S100Z: variants seen among roughly 807,000 people sequenced by gnomAD.
The protein encoded by S100Z is protein S100-Z.
Under a neutral mutation model 8.5 loss-of-function variants are expected in S100Z, and 11 were observed. The ratio of observed to expected loss-of-function variants is 1.30; its 90% CI spans 0.82 to 2.15. The LOEUF (loss-of-function observed/expected upper bound fraction) is 2.15, where lower values mean the gene tolerates loss of function less well. S100Z is among the 30% of genes most tolerant of loss of function. The pLI is 0.00. For synonymous variants in S100Z, 34 were observed against 43.8 expected, an observed-to-expected ratio of 0.78 and a Z score of 0.89; for missense variants, 126 against 117.9, an observed-to-expected ratio of 1.07 and a Z score of -0.32.
At chr5:76,885,100 G>GTATT (rs1250183625) in intron 4 of S100Z, among the ~76,000 whole-genome samples, 1 of 152,182 alleles carries the variant, frequency 6.6e-6, no homozygotes, top group Non-Finnish European at 1.5e-5. Context: ...TGTCGAGCTT[G>GTATT]TATTGGGGTC....
intron 4 of S100Z, among the ~76,000 whole-genome samples, chr5:76,880,362 T>C: frequency 6.6e-6 from 1 of 152,110 alleles, no homozygotes; most frequent in African/African-American, 2.4e-5. Context: ...ATAAGAAAAA[T>C]AAAACAAAAT....
chr5:76,868,028 T>C (rs6874234), intron 1 of S100Z, among the ~76,000 whole-genome samples: 102,305 of 152,182 alleles, frequency 0.67, 35,331 homozygotes, highest in African/African-American at 0.84. Context: ...GCAAGGTGCA[T>C]AGGATAACCC....
the S100Z span, among the ~76,000 whole-genome samples, chr5:76,935,652 G>A: frequency 6.6e-6 from 1 of 151,934 alleles, no homozygotes; most frequent in South Asian, 2.1e-4. Context: ...ACTAGATGTG[G>A]TACTGCCTTC....
chr5:76,930,111 T>C, the S100Z span, among the ~76,000 whole-genome samples: 3 of 152,340 alleles, frequency 2.0e-5, no homozygotes, highest in East Asian at 5.8e-4. Context: ...CAAAGAGTAG[T>C]TTTTCATCTT....
chr5:76,856,994 C>G (rs1261046327), intron 1 of S100Z, among the ~76,000 whole-genome samples: 1 of 152,080 alleles, frequency 6.6e-6, no homozygotes, highest in Non-Finnish European at 1.5e-5. Flanking sequence ...GGAGGAAATC[C>G]AGCATAGTGA....
intron 4 of S100Z, among the ~76,000 whole-genome samples, chr5:76,895,765 CTTTT>C (rs57723242): frequency 2.3e-5 from 2 of 88,372 alleles, no homozygotes; most frequent in Middle Eastern, 7.1e-3. Flanking sequence ...TCTTTTCTTC[CTTTT>C]TTTTTTTTTT....
At chr5:76,907,180 C>A (rs1744485942) in intron 4 of S100Z, among the ~76,000 whole-genome samples, 1 of 151,104 alleles carries the variant, frequency 6.6e-6, no homozygotes, top group Admixed American at 6.6e-5. Context: ...ATCTTTGCAC[C>A]TTTTCTGAAT....
At chr5:76,925,064 C>T (rs114307857), downstream of S100Z, among the ~76,000 whole-genome samples, 2,762 of 152,194 alleles carry the variant, frequency 0.018, 84 homozygotes, top group African/African-American at 0.063. Context: ...TCCAAGCTTA[C>T]TCATGTTGTT....
At chr5:76,879,976 G>A (rs1211269649) in intron 4 of S100Z, among the ~76,000 whole-genome samples, 4 of 152,202 alleles carry the variant, frequency 2.6e-5, no homozygotes, top group East Asian at 3.8e-4. Context: ...TCACCTGGGT[G>A]CAGGTGGGCT....
chr5:76,945,493 C>T, the S100Z span, among the ~76,000 whole-genome samples: 1 of 152,220 alleles, frequency 6.6e-6, no homozygotes, highest in Non-Finnish European at 1.5e-5. Context: ...CCTGATTGTA[C>T]ATTTGTTCTA....
intron 4 of S100Z, among the ~76,000 whole-genome samples, chr5:76,920,498 TAGAA>T (rs1400911102): frequency 2.0e-5 from 3 of 152,234 alleles, no homozygotes; most frequent in African/African-American, 4.8e-5. Context: ...TTACCTGACT[TAGAA>T]AGAACATGCC....
the S100Z span, among the ~76,000 whole-genome samples, chr5:76,936,862 G>T: frequency 6.6e-6 from 1 of 152,034 alleles, no homozygotes; most frequent in African/African-American, 2.4e-5. Context: ...AAGGAGCACT[G>T]GGAAAGGTTG....
At chr5:76,895,164 G>A (rs1161985147) in intron 4 of S100Z, among the ~76,000 whole-genome samples, 1 of 152,062 alleles carries the variant, frequency 6.6e-6, no homozygotes, top group African/African-American at 2.4e-5. Context: ...GAGAAGTCAA[G>A]CGCATGTTTT....
chr5:76,902,211 G>T (rs1275881079), intron 4 of S100Z, among the ~76,000 whole-genome samples: 1 of 152,182 alleles, frequency 6.6e-6, no homozygotes, highest in African/African-American at 2.4e-5. Flanking sequence ...TTCCTTGGCT[G>T]CCCCACGTGA....
intron 4 of S100Z, among the ~76,000 whole-genome samples, chr5:76,898,933 C>CTTTTTTTTTTTT (rs56287065): frequency 2.4e-4 from 26 of 109,854 alleles, no homozygotes; most frequent in East Asian, 8.7e-4. Flanking sequence ...CTTTTCTTTT[C>CTTTTTTTTTTTT]TTTTTTTTTT....
chr5:76,946,010 A>C, the S100Z span, among the ~76,000 whole-genome samples: 1 of 152,186 alleles, frequency 6.6e-6, no homozygotes, highest in African/African-American at 2.4e-5. Context: ...TCTCCTTCAC[A>C]GTTATCCATC....
chr5:76,951,898 G>A, the S100Z span, among the ~76,000 whole-genome samples: 2,314 of 152,214 alleles, frequency 0.015, 54 homozygotes, highest in African/African-American at 0.052. Flanking sequence ...AAATAATCAA[G>A]TTCTGACACT....
At chr5:76,930,074 T>C in the S100Z span, among the ~76,000 whole-genome samples, 1 of 152,220 alleles carries the variant, frequency 6.6e-6, no homozygotes, top group East Asian at 1.9e-4. Context: ...GGGGAGGTGT[T>C]TGCAGTGAAG....
the S100Z span, among the ~76,000 whole-genome samples, chr5:76,929,557 T>G: frequency 1.4e-4 from 22 of 152,346 alleles, no homozygotes; most frequent in Non-Finnish European, 3.1e-4. Context: ...TGCACTTTGC[T>G]TTACAGTTAT....
Sources: allele counts gnomAD v4.1 joint callset (sites outside exome capture counted in the v4.1 genomes callset), GRCh38; gene constraint gnomAD v4.1.1; transcripts MANE v1.5; gene names NCBI Gene and HGNC (gene_info 2026-07-23, HGNC 2026-07-21).